The following SPSB1 variants were observed in gnomAD, a reference collection of about 807,000 sequenced individuals.
SPSB1 encodes SPRY domain-containing SOCS box protein 1.
A neutral mutation model predicts 21.2 loss-of-function variants in SPSB1; 8 were observed. That is an observed-to-expected ratio of 0.38 (90% CI 0.22 to 0.68). The LOEUF (loss-of-function observed/expected upper bound fraction) is 0.68, where lower values mean the gene tolerates loss of function less well. Ranked by LOEUF, SPSB1 falls within the 30% of genes least tolerant of loss-of-function variation. The pLI, the probability that SPSB1 is intolerant of heterozygous loss-of-function variation, is 0.53. For missense variants in SPSB1, 242 were observed against 377.8 expected (o/e 0.64, Z 2.98); for synonymous variants, 169 against 161.7 (o/e 1.05, Z -0.34).
At chr1:9,318,713 A>G (rs895560913) in intron 1 of SPSB1, among the ~76,000 whole-genome samples, 1 of 152,198 alleles carries the variant, frequency 6.6e-6, no homozygotes, top group African/African-American at 2.4e-5. Context: ...TCTTCTGTCC[A>G]TTCAGCAATT....
intron 1 of SPSB1, among the ~76,000 whole-genome samples, chr1:9,318,748 C>T (rs536732690): frequency 4.6e-5 from 7 of 152,194 alleles, no homozygotes; most frequent in Non-Finnish European, 2.9e-5. Context: ...AGATCAGGGC[C>T]TCTGTCAGGC....
rs551835014 is a variant in SPSB1, at chr1:9,364,719, T to C, written c.695-2729T>C. On this transcript the variant is annotated intron_variant, in intron 2 of 2. Transcript: ENST00000328089. Reference sequence around the variant, plus strand: ...TTCTCCATTAAAAATACAGAACATTTCAGTTCCTTGTCAGGAGCTGTGGCT... The same window carrying C: ...TTCTCCATTAAAAATACAGAACATTCCAGTTCCTTGTCAGGAGCTGTGGCT... Among the ~76,000 whole-genome samples, 4 of 152,300 alleles carry C rather than the reference T, an allele frequency of 2.6e-5. 1 individual carries two copies. In the South Asian group the frequency reaches 8.3e-4, roughly 32 times the overall value.
intron 1 of SPSB1, among the ~76,000 whole-genome samples, chr1:9,318,244 A>C (rs1401616209): frequency 1.3e-5 from 2 of 152,240 alleles, no homozygotes. Flanking sequence ...TGCAGCCGGC[A>C]GCAGAACAGT....
At position 9,321,989 on chromosome 1, in the gene SPSB1, T is replaced by A. The variant is rs1008126523; in HGVS notation, c.-150+28918T>A. Among the ~76,000 whole-genome samples the A allele has an allele frequency of 2.0e-5, 3 of 152,140 alleles. No homozygotes were observed. Among genetic ancestry groups the A allele is most frequent in the Non-Finnish European group, 2.9e-5 (2 of 68,032 alleles). On this transcript the variant is annotated intron_variant, in intron 1 of 2. Transcript: ENST00000328089. This position sits in a 1 kb window ranked among gnomAD's most constrained non-coding sequence, Gnocchi z 4.8. ...TGGGGGACAACCACAATGTCTGTTTTATAGATGGGCCCAACCATCCCCAGG... is the reference window on the plus strand; with the variant it reads ...TGGGGGACAACCACAATGTCTGTTTAATAGATGGGCCCAACCATCCCCAGG...
At chr1:9,302,021 C>G (rs970287059) in intron 1 of SPSB1, among the ~76,000 whole-genome samples, 1 of 152,248 alleles carries the variant, frequency 6.6e-6, no homozygotes, top group African/African-American at 2.4e-5. Flanking sequence ...CCGTGTAGCA[C>G]TGCTTCCAGG....
intron 1 of SPSB1, among the ~76,000 whole-genome samples, chr1:9,327,370 C>T (rs1569603403): frequency 6.6e-6 from 1 of 152,036 alleles, no homozygotes; most frequent in East Asian, 1.9e-4. Context: ...GCTTAAAAGT[C>T]GATCGCCAGG....
rs981350279 is a variant in SPSB1, at chr1:9,324,575, G to A, written c.-149-31168G>A. 1.3e-5 allele frequency among the ~76,000 whole-genome samples: 2 copies of A among 152,154 alleles called. No homozygotes were observed. Among genetic ancestry groups the A allele is most frequent in the African/African-American group, 4.8e-5 (2 of 41,416 alleles). ...GTGGGGAGGGGGAGTCAAGACAAAAGCCTGGTTGTGCCCTGGGAGAAAACC... is the reference window on the plus strand; with the variant it reads ...GTGGGGAGGGGGAGTCAAGACAAAAACCTGGTTGTGCCCTGGGAGAAAACC... On this transcript the variant is annotated intron_variant, in intron 1 of 2. Coordinates refer to ENST00000328089, the MANE Select transcript of SPSB1 (RefSeq NM_025106.4). The surrounding 1 kb of genome is among the most constrained non-coding windows in gnomAD (Gnocchi z 4.3).
intron 2 of SPSB1, among the ~76,000 whole-genome samples, chr1:9,358,929 T>C (rs1211282744): frequency 6.6e-6 from 1 of 152,216 alleles, no homozygotes; most frequent in Non-Finnish European, 1.5e-5. Context: ...GTCCTGTGAA[T>C]AGGCGATTTC....
At chr1:9,332,715 G>A (rs1039030253) in intron 1 of SPSB1, among the ~76,000 whole-genome samples, 4 of 152,230 alleles carry the variant, frequency 2.6e-5, no homozygotes, top group African/African-American at 7.2e-5. Context: ...AAAACTAGGA[G>A]CGTTTCAGGT....
Position 9,317,511 on chromosome 1 carries a change from TCTTG to T in SPSB1, c.-150+24444_-150+24447del, listed in dbSNP as rs1432060154. ...TTTGTCGTTTGTTTTTGAGACAGAG[TCTTG>T]CTTTGTCACCCAGGCTGGGGACAAA... On this transcript the variant is annotated intron_variant, in intron 1 of 2. Coordinates refer to ENST00000328089, the MANE Select transcript of SPSB1 (RefSeq NM_025106.4). This position sits in a 1 kb window ranked among gnomAD's most constrained non-coding sequence, Gnocchi z 4.3. Among the ~76,000 whole-genome samples, 17 of 152,194 alleles carry T rather than the reference TCTTG, an allele frequency of 1.1e-4. No individual in the cohort carries two copies. In the East Asian group the frequency reaches 3.3e-3, roughly 29 times the overall value.
intron 1 of SPSB1, among the ~76,000 whole-genome samples, chr1:9,309,995 C>T (rs966347960): frequency 6.6e-6 from 1 of 152,164 alleles, no homozygotes; most frequent in African/African-American, 2.4e-5. Context: ...TGTGGGTCTG[C>T]CCGAGGTCCT....
In SPSB1 at chr1:9,293,108, G is replaced by A. The variant is rs1299264461; in HGVS notation, c.-150+37G>A. 5 of 977,692 alleles carry A rather than the reference G, an allele frequency of 5.1e-6. No homozygotes were observed. The highest frequency in any genetic ancestry group is 5.2e-4 in the Middle Eastern group (1 of 1,922). 60.6% of individuals were successfully genotyped at this position (977,692 alleles called of 1,614,324 possible). A position where few individuals can be genotyped will look rare whatever the true frequency, so the allele number is the denominator to read the frequency against. ...GGGGCACCTGGGACCCCGATGGGTG[G>A]GCGACCGGCCCGGGAGGGGGAGGCG... On this transcript the variant is annotated intron_variant, in intron 1 of 2. Transcript: ENST00000328089. The surrounding 1 kb of genome is among the most constrained non-coding windows in gnomAD (Gnocchi z 5.1).
Position 9,309,283 on chromosome 1 carries a change from TGA to T in SPSB1, c.-150+16230_-150+16231del, listed in dbSNP as rs748979653. On this transcript the variant is annotated intron_variant, in intron 1 of 2. Transcript: ENST00000328089. ...TGCGGAGAGAGAGAGAGAGAGAGTG[TGA>T]GAGAGAGAGAGAGAGAGTGTGTGTG... 9.3e-4 allele frequency among the ~76,000 whole-genome samples: 128 copies of T among 137,666 alleles called. 1 individual carries two copies. Among genetic ancestry groups the T allele is most frequent in the East Asian group, 1.9e-3 (9 of 4,742 alleles). 90.3% of individuals were successfully genotyped at this position (137,666 alleles called of 152,430 possible).
At chr1:9,361,532 A>G (rs886427029) in intron 2 of SPSB1, among the ~76,000 whole-genome samples, 1 of 152,084 alleles carries the variant, frequency 6.6e-6, no homozygotes, top group Non-Finnish European at 1.5e-5. Flanking sequence ...TCTTTCCTGC[A>G]TGCCAGGCAG....
chr1:9,293,579 C>T lies in SPSB1; in HGVS notation c.-150+508C>T, dbSNP rs1639157576. 6.6e-6 allele frequency among the ~76,000 whole-genome samples: 1 copy of T among 152,104 alleles called. No individual in the cohort carries two copies. The highest frequency in any genetic ancestry group is 1.5e-5 in the Non-Finnish European group (1 of 67,988). The stretch of plus-strand genomic sequence containing the variant: ...CCCCACCCTCCCGCAGCGCCTCCCC[C>T]AGGGAGCCTGCCGGGGACACCCGAG... On this transcript the variant is annotated intron_variant, in intron 1 of 2. Coordinates refer to ENST00000328089, the MANE Select transcript of SPSB1 (RefSeq NM_025106.4). The surrounding 1 kb of genome is among the most constrained non-coding windows in gnomAD (Gnocchi z 5.1).
chr1:9,339,368 C>T (rs1056218335), intron 1 of SPSB1: 10 of 904,408 alleles, frequency 1.1e-5, no homozygotes, highest in East Asian at 1.2e-4. Context: ...TGTGACTCAC[C>T]GCCAGGCCAG....
At position 9,307,387 on chromosome 1, in the gene SPSB1, C is replaced by T. The variant is rs554783858; in HGVS notation, c.-150+14316C>T. On this transcript the variant is annotated intron_variant, in intron 1 of 2. Coordinates refer to ENST00000328089, the MANE Select transcript of SPSB1 (RefSeq NM_025106.4). ...GCCGGAAGGAAACCCCATCCACATT[C>T]GGCGTCACCTCCCATCCTCCCTCCC... Among the ~76,000 whole-genome samples, 30 of 152,342 alleles carry T rather than the reference C, an allele frequency of 2.0e-4. No homozygotes were observed. In the South Asian group the frequency reaches 5.8e-3, roughly 29 times the overall value.
chr1:9,314,970 A>C lies in SPSB1; in HGVS notation c.-150+21899A>C, dbSNP rs556556715. ...GAGGGAGTGGAGTCCTTGGCACTGT[A>C]GTATTCCTTTTGAAGTCAAGAATCC... On this transcript the variant is annotated intron_variant, in intron 1 of 2. Transcript: ENST00000328089. Among the ~76,000 whole-genome samples, 4 of 152,374 alleles carry C rather than the reference A, an allele frequency of 2.6e-5. No homozygotes were observed. In the East Asian group the frequency reaches 7.7e-4, roughly 29 times the overall value.
At position 9,321,142 on chromosome 1, in the gene SPSB1, A is replaced by G. The variant is rs981817936; in HGVS notation, c.-150+28071A>G. On this transcript the variant is annotated intron_variant, in intron 1 of 2. Coordinates refer to ENST00000328089, the MANE Select transcript of SPSB1 (RefSeq NM_025106.4). This position sits in a 1 kb window ranked among gnomAD's most constrained non-coding sequence, Gnocchi z 4.8. ...CCGAAAAGAAAACAACAACCAAAAA[A>G]TCCCCCCAAAACACAAAGCTGGAAA... is the stretch of plus-strand genomic sequence containing the variant. 6.6e-6 allele frequency among the ~76,000 whole-genome samples: 1 copy of G among 150,748 alleles called. No homozygotes were observed. The highest frequency in any genetic ancestry group is 1.5e-5 in the Non-Finnish European group (1 of 67,730).
Sources: gnomAD v4.1 joint callset for allele counts (sites outside exome capture counted in the v4.1 genomes callset) on GRCh38, gnomAD v4.1.1 for gene constraint, Gnocchi (gnomAD v3.1) non-coding constraint, MANE v1.5 for transcripts, NCBI Gene and HGNC (gene_info 2026-07-23, HGNC 2026-07-21) for gene names.